The following PHF24 variants were observed in gnomAD, a reference collection of about 807,000 sequenced individuals.
The protein encoded by PHF24 is Galpha inhibitory interacting protein.
A neutral mutation model predicts 42.6 loss-of-function variants in PHF24; 25 were observed. That is an observed-to-expected ratio of 0.59 (90% CI 0.43 to 0.82). PHF24 has a LOEUF of 0.82. Among genes scored for constraint, PHF24 ranks in the 40% least tolerant of loss-of-function variants. The pLI is 0.00. For missense variants in PHF24, 470 were observed against 538.1 expected (o/e 0.87, Z 1.25); for synonymous variants, 185 against 204.8 (o/e 0.90, Z 0.83).
At chr9:34,767,860 T>C in the PHF24 span, among the ~76,000 whole-genome samples, 1 of 152,204 alleles carries the variant, frequency 6.6e-6, no homozygotes, top group Non-Finnish European at 1.5e-5. Context: ...GCCCCCATTG[T>C]CAGTTTTAAA....
the PHF24 span, among the ~76,000 whole-genome samples, chr9:34,935,735 TGG>T: frequency 4.7e-4 from 57 of 120,956 alleles, 1 homozygote; most frequent in Admixed American, 3.0e-3. Context: ...TATTTGTGTG[TGG>T]GGGGGGGGTG....
chr9:34,798,036 AG>A, the PHF24 span, among the ~76,000 whole-genome samples: 17 of 152,312 alleles, frequency 1.1e-4, no homozygotes, highest in African/African-American at 3.8e-4. Context: ...GTCAAGGATT[AG>A]GGGGTAGAGA....
the PHF24 span, chr9:34,727,978 A>T: frequency 2.6e-6 from 4 of 1,531,074 alleles, no homozygotes; most frequent in Non-Finnish European, 3.5e-6. Context: ...AAATCATCAT[A>T]GGCCAGGCTG....
the PHF24 span, among the ~76,000 whole-genome samples, chr9:34,907,378 A>G: frequency 2.0e-5 from 3 of 152,230 alleles, no homozygotes; most frequent in African/African-American, 7.2e-5. Context: ...ATTCAGTAAT[A>G]ATTACTCTAT....
At chr9:34,833,238 C>A in the PHF24 span, 3 of 1,549,154 alleles carry the variant, frequency 1.9e-6, no homozygotes, top group African/African-American at 4.1e-5. Context: ...CAGGGTTCCT[C>A]CAGGCTGGGG....
chr9:34,876,840 A>T, the PHF24 span, among the ~76,000 whole-genome samples: 1 of 152,242 alleles, frequency 6.6e-6, no homozygotes, highest in Admixed American at 6.5e-5. Context: ...ACCCAAAGGA[A>T]AACAAAGCAG....
At chr9:34,898,594 T>C in the PHF24 span, among the ~76,000 whole-genome samples, 4 of 152,214 alleles carry the variant, frequency 2.6e-5, no homozygotes, top group East Asian at 7.7e-4. Flanking sequence ...CAAAGAGCAC[T>C]GAATGAAAGG....
At chr9:34,864,218 G>A in the PHF24 span, among the ~76,000 whole-genome samples, 8 of 152,170 alleles carry the variant, frequency 5.3e-5, no homozygotes, top group African/African-American at 1.9e-4. Context: ...AAAGAGATAG[G>A]GGTGGAAGGT....
At chr9:34,845,282 C>T in the PHF24 span, among the ~76,000 whole-genome samples, 2 of 152,142 alleles carry the variant, frequency 1.3e-5, no homozygotes, top group Non-Finnish European at 2.9e-5. Context: ...CACTCTGCCA[C>T]TTTATGTCTT....
chr9:34,949,525 T>C, the PHF24 span, among the ~76,000 whole-genome samples: 1 of 152,160 alleles, frequency 6.6e-6, no homozygotes, highest in African/African-American at 2.4e-5. Context: ...TTATAAATCA[T>C]TCTACTATAA....
At chr9:34,774,771 C>G in the PHF24 span, among the ~76,000 whole-genome samples, 366 of 152,210 alleles carry the variant, frequency 2.4e-3, 6 homozygotes, top group Non-Finnish European at 3.5e-3. Context: ...GAGACTCCAT[C>G]TCACACATAC....
At chr9:34,667,528 A>G in the PHF24 span, among the ~76,000 whole-genome samples, 26 of 152,190 alleles carry the variant, frequency 1.7e-4, no homozygotes, top group African/African-American at 5.6e-4. Context: ...CCGAGGAACT[A>G]GAGGCCTGGT....
At chr9:34,981,384 TAC>T (rs1827386118) in exon 8 of PHF24, 2 of 152,248 alleles carry the variant, frequency 1.3e-5, no homozygotes, top group African/African-American at 4.8e-5. Flanking sequence ...CCCAAGGTTA[TAC>T]CCAGGACTCA....
intron 1 of PHF24, among the ~76,000 whole-genome samples, chr9:34,968,330 T>C (rs1826851850): frequency 6.6e-6 from 1 of 152,258 alleles, no homozygotes; most frequent in African/African-American, 2.4e-5. Context: ...TATTTTCATT[T>C]TAATTACAAT....
At chr9:34,823,412 A>G in the PHF24 span, among the ~76,000 whole-genome samples, 1 of 152,054 alleles carries the variant, frequency 6.6e-6, no homozygotes, top group South Asian at 2.1e-4. Context: ...GCCCTTGGTC[A>G]TGCCATCCAG....
chr9:34,698,304 G>C, the PHF24 span, among the ~76,000 whole-genome samples: 1 of 152,052 alleles, frequency 6.6e-6, no homozygotes, highest in Non-Finnish European at 1.5e-5. Flanking sequence ...TTCAAGATGT[G>C]GTGAAATTTC....
At chr9:34,895,750 C>G in the PHF24 span, 8 of 402,448 alleles carry the variant, frequency 2.0e-5, no homozygotes, top group Non-Finnish European at 3.5e-5. Context: ...CCATCCCTCT[C>G]CCTAGTCTTT....
At chr9:34,905,795 T>C in the PHF24 span, among the ~76,000 whole-genome samples, 1 of 152,240 alleles carries the variant, frequency 6.6e-6, no homozygotes, top group Non-Finnish European at 1.5e-5. Context: ...TATTTTACTC[T>C]GAGTGCATTT....
chr9:34,675,416 C>G, the PHF24 span, among the ~76,000 whole-genome samples: 1 of 152,182 alleles, frequency 6.6e-6, no homozygotes, highest in African/African-American at 2.4e-5. Flanking sequence ...CCAAATTACT[C>G]AACTTCTGAA....
Sources: allele counts gnomAD v4.1 joint callset (sites outside exome capture counted in the v4.1 genomes callset), GRCh38; gene constraint gnomAD v4.1.1; transcripts MANE v1.5; gene names NCBI Gene and HGNC (gene_info 2026-07-23, HGNC 2026-07-21).